Variants in ACTN2 observed in about 807,000 individuals in gnomAD.
ACTN2 encodes alpha-actinin-2.
A neutral mutation model predicts 113.8 loss-of-function variants in ACTN2; 39 were observed. That is an observed-to-expected ratio of 0.34 (90% CI 0.27 to 0.45). The LOEUF (loss-of-function observed/expected upper bound fraction) is 0.45, where lower values mean the gene tolerates loss of function less well. ACTN2 is among the 20% of genes least tolerant of loss of function. The pLI, the probability that ACTN2 is intolerant of heterozygous loss-of-function variation, is 1.00. For synonymous variants in ACTN2, 429 were observed against 444.1 expected, an observed-to-expected ratio of 0.97 and a Z score of 0.43; for missense variants, 992 against 1,177.9, an observed-to-expected ratio of 0.84 and a Z score of 2.31.
intron 1 of ACTN2, among the ~76,000 whole-genome samples, chr1:236,704,125 T>G (rs1488470228): frequency 6.6e-6 from 1 of 152,238 alleles, no homozygotes; most frequent in East Asian, 1.9e-4. Flanking sequence ...AGCTTCAACT[T>G]AAGACAGTCG....
chr1:236,745,049 G>A (rs1222428944), intron 12 of ACTN2, among the ~76,000 whole-genome samples: 1 of 152,120 alleles, frequency 6.6e-6, no homozygotes, highest in Non-Finnish European at 1.5e-5. Flanking sequence ...GGAATATTGG[G>A]GCCCAGAAAG....
chr1:236,747,044 T>C (rs961427198), intron 12 of ACTN2, among the ~76,000 whole-genome samples: 1 of 152,206 alleles, frequency 6.6e-6, no homozygotes. Flanking sequence ...GGCTGCATCC[T>C]GGCCCACAGG....
intron 11 of ACTN2, among the ~76,000 whole-genome samples, chr1:236,743,962 C>T (rs965847621): frequency 6.6e-6 from 1 of 152,128 alleles, no homozygotes; most frequent in Admixed American, 6.6e-5. Flanking sequence ...AGTGGTACAT[C>T]GTCATCATTA....
intron 1 of ACTN2, among the ~76,000 whole-genome samples, chr1:236,693,127 C>A (rs1169234896): frequency 6.6e-6 from 1 of 151,698 alleles, no homozygotes; most frequent in Non-Finnish European, 1.5e-5. Context: ...AGAATTTGGC[C>A]TTTCTGAAGA....
At chr1:236,712,093 A>C (rs748310951) in intron 1 of ACTN2, among the ~76,000 whole-genome samples, 4 of 152,208 alleles carry the variant, frequency 2.6e-5, no homozygotes, top group African/African-American at 9.6e-5. Context: ...AAGAACCCTA[A>C]AGATGCATGT....
chr1:236,742,311 C>T (rs535279338), intron 10 of ACTN2, among the ~76,000 whole-genome samples: 49 of 151,972 alleles, frequency 3.2e-4, no homozygotes, highest in Non-Finnish European at 6.3e-4. Context: ...GTTGTTTACC[C>T]TTACAGAGTT....
At chr1:236,690,191 A>C (rs1424488850) in intron 1 of ACTN2, among the ~76,000 whole-genome samples, 1 of 152,200 alleles carries the variant, frequency 6.6e-6, no homozygotes, top group Non-Finnish European at 1.5e-5. Flanking sequence ...TGGGTCAGGC[A>C]GCCTGGCAGG....
chr1:236,719,822 A>G (rs1658330363), intron 3 of ACTN2, among the ~76,000 whole-genome samples: 1 of 151,812 alleles, frequency 6.6e-6, no homozygotes, highest in South Asian at 2.1e-4. Context: ...AACCTTAGCT[A>G]TTACATCTTA....
chr1:236,736,232 C>G (rs550480849), intron 8 of ACTN2, among the ~76,000 whole-genome samples: 1 of 152,240 alleles, frequency 6.6e-6, no homozygotes, highest in Non-Finnish European at 1.5e-5. Flanking sequence ...CCCAAGGGAC[C>G]TTGAGGAAGA....
At chr1:236,732,892 C>T (rs10925206) in intron 7 of ACTN2, among the ~76,000 whole-genome samples, 9,848 of 152,276 alleles carry the variant, frequency 0.065, 371 homozygotes, top group Admixed American at 0.13. Context: ...AAAGACTTCA[C>T]TGTATCTTTT....
chr1:236,751,395 C>T lies in ACTN2; in HGVS notation c.1657-75C>T, dbSNP rs575246995. 4.8e-5 allele frequency: 74 copies of T among 1,533,844 alleles called. No individual in the cohort carries two copies. In the Middle Eastern group the frequency reaches 6.7e-4, roughly 14 times the overall value. ...AATCATCAAGGCATTTACTTGTGTG[C>T]GGAAAGGAATATCAAAGCCTTTGAA... is the stretch of plus-strand genomic sequence containing the variant. On this transcript the variant is annotated intron_variant, in intron 14 of 20. Coordinates refer to ENST00000366578, the MANE Select transcript of ACTN2 (RefSeq NM_001103.4).
Position 236,763,823 on chromosome 1 carries a change from T to A in ACTN2, c.*1204T>A, listed in dbSNP as rs1476891526. The A allele has an allele frequency of 6.6e-6, 1 of 152,262 alleles. No individual in the cohort carries two copies. The highest frequency in any genetic ancestry group is 1.5e-5 in the Non-Finnish European group (1 of 68,054). The allele number at this position is 152,262 out of a possible 1,614,324, so 9.4% of individuals were successfully genotyped here. ...CACAGGATGCTACATGCACTCCTGCTAGCACATCTTGATCTGTTGAATGTT... is the reference window on the plus strand; with the variant it reads ...CACAGGATGCTACATGCACTCCTGCAAGCACATCTTGATCTGTTGAATGTT... On this transcript the variant is annotated 3_prime_UTR_variant, in exon 21 of 21. Coordinates refer to ENST00000366578, the MANE Select transcript of ACTN2 (RefSeq NM_001103.4).
At chr1:236,724,851 T>C (rs941882030) in intron 4 of ACTN2, among the ~76,000 whole-genome samples, 4 of 150,286 alleles carry the variant, frequency 2.7e-5, no homozygotes, top group African/African-American at 7.3e-5. Flanking sequence ...TTTTTTTTTT[T>C]TTTTTTTTTG....
intron 20 of ACTN2, 102 bp from the exon 21 acceptor site, chr1:236,762,359 T>C: frequency 6.7e-7 from 1 of 1,503,584 alleles, no homozygotes; most frequent in Admixed American, 1.7e-5. Flanking sequence ...TCTTTAGTCC[T>C]TTTAAAAAAT....
At chr1:236,706,550 C>T (rs1377074586) in intron 1 of ACTN2, among the ~76,000 whole-genome samples, 1 of 152,178 alleles carries the variant, frequency 6.6e-6, no homozygotes, top group Non-Finnish European at 1.5e-5. Flanking sequence ...ATCCTGCATC[C>T]AGGCAGAGTT....
Position 236,747,001 on chromosome 1 carries a change from G to A in ACTN2, c.1407-666G>A, listed in dbSNP as rs145949725. On this transcript the variant is annotated intron_variant, in intron 12 of 20. Coordinates refer to ENST00000366578, the MANE Select transcript of ACTN2 (RefSeq NM_001103.4). ...CTAGGGAAGCCAAGGACACAATGTG[G>A]CGCAGGCTGACTCTTCCCTCCCCAG... Among the ~76,000 whole-genome samples, 15 of 152,266 alleles carry A rather than the reference G, an allele frequency of 9.9e-5. 1 individual carries two copies. In the East Asian group the frequency reaches 2.9e-3, roughly 29 times the overall value.
chr1:236,698,994 A>G lies in ACTN2; in HGVS notation c.126+12195A>G, dbSNP rs538775813. Among the ~76,000 whole-genome samples the G allele has an allele frequency of 4.5e-4, 68 of 152,312 alleles. 1 individual carries two copies. The South Asian group carries it at 0.014, about 32-fold the overall frequency. ...GAAAATGCACACAGAATTTTGTCTA[A>G]TGTATGTAGAAATAGTTCTCTCCTA... is the stretch of plus-strand genomic sequence containing the variant. On this transcript the variant is annotated intron_variant, in intron 1 of 20. Coordinates refer to ENST00000366578, the MANE Select transcript of ACTN2 (RefSeq NM_001103.4).
rs958549388 is a variant in ACTN2 at position 236,751,804 on chromosome 1, G to A, written c.1839+152G>A. 11 of 903,246 alleles carry A rather than the reference G, an allele frequency of 1.2e-5. No individual in the cohort carries two copies. The African/African-American group carries it at 1.7e-4, about 14-fold the overall frequency. 56.0% of individuals were successfully genotyped at this position (903,246 alleles called of 1,614,324 possible). A position where few individuals can be genotyped will look rare whatever the true frequency, so the allele number is the denominator to read the frequency against. On this transcript the variant is annotated intron_variant, in intron 15 of 20. Coordinates refer to ENST00000366578, the MANE Select transcript of ACTN2 (RefSeq NM_001103.4). ...ATCCCAAATTTCACAGGCAAAACGTGACAAACTCTTAAGGACCCTTCAGCA... is the reference window on the plus strand; with the variant it reads ...ATCCCAAATTTCACAGGCAAAACGTAACAAACTCTTAAGGACCCTTCAGCA...
intron 19 of ACTN2, 48 bp from the exon 20 acceptor site, chr1:236,760,967 A>G (rs1316707472): frequency 6.2e-7 from 1 of 1,613,190 alleles, no homozygotes; most frequent in African/African-American, 1.3e-5. Context: ...GGCTCTGTTG[A>G]GAGTTGTGTA....
Sources: gnomAD v4.1 joint callset for allele counts (sites outside exome capture counted in the v4.1 genomes callset) on GRCh38, gnomAD v4.1.1 for gene constraint, MANE v1.5 for transcripts, NCBI Gene and HGNC (gene_info 2026-07-23, HGNC 2026-07-21) for gene names.